Variants in RPL3L observed in about 807,000 individuals in gnomAD.
RPL3L encodes the protein ribosomal protein L3 like.
Under a neutral mutation model 44.5 loss-of-function variants are expected in RPL3L, and 44 were observed. The observed-to-expected ratio is 0.99, with a 90% CI of 0.78 to 1.27. RPL3L has a LOEUF of 1.27. Among genes scored for constraint, RPL3L ranks in the 50% most tolerant of loss-of-function variants. The pLI, the probability that RPL3L is intolerant of heterozygous loss-of-function variation, is 0.00. For synonymous variants in RPL3L, 292 were observed against 230.7 expected (o/e 1.27, Z -2.41); for missense variants, 631 against 569.1 (o/e 1.11, Z -1.11).
intron 7 of RPL3L, 137 bp downstream of exon 7, chr16:1,946,488 C>T: frequency 1.1e-6 from 1 of 871,482 alleles, no homozygotes; most frequent in Non-Finnish European, 1.7e-6. Context: ...AAATCTTGAG[C>T]CCTTGGGGCA....
intron 4 of RPL3L, among the ~76,000 whole-genome samples, chr16:1,949,010 T>C (rs1284686414): frequency 2.6e-5 from 2 of 76,502 alleles, no homozygotes; most frequent in Admixed American, 2.1e-4. Flanking sequence ...CGCGCCTGGC[T>C]TTTTTTTTTT....
chr16:1,947,343 A>AT lies in RPL3L; in HGVS notation c.538dup (p.Ile180AsnfsTer36), dbSNP rs747982213. The AT allele has an allele frequency of 6.2e-7, 1 of 1,604,578 alleles. No individual in the cohort carries two copies. Among genetic ancestry groups the AT allele is most frequent in the Non-Finnish European group, 8.5e-7 (1 of 1,176,454 alleles). ...GCCACCGTTCAGCTGGATCTCCATG[A>AT]TGTGGGCCTTCTTCTGCCGGAAGGG... On this transcript the variant is annotated frameshift_variant, in exon 5 of 10. Coordinates refer to ENST00000268661, the MANE Select transcript of RPL3L (RefSeq NM_005061.3). LOFTEE classifies it high-confidence loss of function.
chr16:1,948,390 AT>A (rs202245309), intron 4 of RPL3L, among the ~76,000 whole-genome samples: 1 of 150,792 alleles, frequency 6.6e-6, no homozygotes, highest in Non-Finnish European at 1.5e-5. Flanking sequence ...TGCCCGGCTA[AT>A]TTTTTTGTAT....
At chr16:1,947,656 T>G (rs907783475) in intron 4 of RPL3L, among the ~76,000 whole-genome samples, 3 of 152,168 alleles carry the variant, frequency 2.0e-5, no homozygotes, top group African/African-American at 7.2e-5. Context: ...TGATGGGCTA[T>G]GGGGGCTGGT....
At chr16:1,947,873 C>A (rs2531334) in intron 4 of RPL3L, among the ~76,000 whole-genome samples, 1 of 151,298 alleles carries the variant, frequency 6.6e-6, no homozygotes, top group Non-Finnish European at 1.5e-5. Context: ...GGGGCGTGGG[C>A]CAGCACCTGG....
At chr16:1,952,766 G>C (rs542781924) in intron 3 of RPL3L, 108 bp downstream of exon 3, 2 of 1,302,116 alleles carry the variant, frequency 1.5e-6, no homozygotes, top group East Asian at 4.7e-5. Flanking sequence ...TTGAGACTTC[G>C]CTTCCTACTC....
At position 1,945,828 on chromosome 16, in the gene RPL3L, T is replaced by C; in HGVS notation, c.1047+7A>G. 1 of 1,613,916 alleles carries C rather than the reference T, an allele frequency of 6.2e-7. No homozygotes were observed. The highest frequency in any genetic ancestry group is 1.6e-4 in the Middle Eastern group (1 of 6,062). On this transcript the variant is annotated splice_region_variant and intron_variant, in intron 8 of 9. Coordinates refer to ENST00000268661, the MANE Select transcript of RPL3L (RefSeq NM_005061.3). ...ACCCACTCCCCAGCCCACCCAGCAC[T>C]GCCAACCTTTCTCAGCGTAATGACC... is the stretch of plus-strand genomic sequence containing the variant.
Position 1,954,649 on chromosome 16 carries a change from G to T in RPL3L, c.-18C>A. The stretch of plus-strand genomic sequence containing the variant: ...CCAACCATGGTGGCCGATCCCTGAA[G>T]GTCAGGAAGGGGCCTCGCCGCTAGC... On this transcript the variant is annotated 5_prime_UTR_variant, in exon 1 of 10. Transcript: ENST00000268661. 1.3e-6 allele frequency: 2 copies of T among 1,549,076 alleles called. No individual in the cohort carries two copies. Among genetic ancestry groups the T allele is most frequent in the Non-Finnish European group, 1.7e-6 (2 of 1,148,148 alleles).
chr16:1,954,587 C>T, intron 1 of RPL3L, 42 bp downstream of exon 1: 1 of 1,466,308 alleles, frequency 6.8e-7, no homozygotes, highest in East Asian at 2.6e-5. Flanking sequence ...CCCCAGAGTT[C>T]CAGCTCCAAC....
At chr16:1,952,806 G>C in intron 3 of RPL3L, 68 bp downstream of exon 3, 5 of 1,574,362 alleles carry the variant, frequency 3.2e-6, no homozygotes, top group South Asian at 2.3e-5. Context: ...GCAAGAGCTA[G>C]AGCCTCAGGC....
In RPL3L at chr16:1,946,619, C is replaced by T; in HGVS notation, c.951+6G>A. ...GGGCCTGGCAGTCGCCCCCTCCCAGCCTCACCAGCGGTGTGATGGACTTGG... is the reference window on the plus strand; with the variant it reads ...GGGCCTGGCAGTCGCCCCCTCCCAGTCTCACCAGCGGTGTGATGGACTTGG... On this transcript the variant is annotated splice_donor_region_variant and intron_variant, in intron 7 of 9. Coordinates refer to ENST00000268661, the MANE Select transcript of RPL3L (RefSeq NM_005061.3). 1 of 1,611,372 alleles carries T rather than the reference C, an allele frequency of 6.2e-7. No individual in the cohort carries two copies. Among genetic ancestry groups the T allele is most frequent in the Non-Finnish European group, 8.5e-7 (1 of 1,178,904 alleles).
intron 4 of RPL3L, among the ~76,000 whole-genome samples, chr16:1,948,645 C>T (rs2083143724): frequency 6.6e-6 from 1 of 152,084 alleles, no homozygotes; most frequent in African/African-American, 2.4e-5. Flanking sequence ...AGCAATCCTC[C>T]CACCTTAGCC....
chr16:1,946,807 TCA>T (rs774847994), intron 6 of RPL3L, 81 bp from the exon 7 acceptor site: 7 of 1,583,704 alleles, frequency 4.4e-6, no homozygotes. Context: ...GCCCACATGC[TCA>T]GACTCAGTGC....
chr16:1,945,659 C>G, intron 8 of RPL3L, 41 bp from the exon 9 acceptor site: 1 of 1,611,878 alleles, frequency 6.2e-7, no homozygotes, highest in Non-Finnish European at 8.5e-7. Flanking sequence ...GTGTGGGGAT[C>G]CCCCACACCC....
chr16:1,947,348 G>C lies in RPL3L; in HGVS notation c.534C>G (p.Ala178=). 6.2e-7 allele frequency: 1 copy of C among 1,601,476 alleles called. No individual in the cohort carries two copies. Among genetic ancestry groups the C allele is most frequent in the Non-Finnish European group, 8.5e-7 (1 of 1,174,878 alleles). ...MKLLPFRQKK[A]HIMEIQLNGG... is the part of the protein sequence containing the mutation. ...CGTTCAGCTGGATCTCCATGATGTG[G>C]GCCTTCTTCTGCCGGAAGGGCAGCA... Residue 178 remains alanine, a synonymous_variant, in exon 5 of 10, where the codon GCC becomes GCG. Coordinates refer to ENST00000268661, the MANE Select transcript of RPL3L (RefSeq NM_005061.3).
Position 1,954,167 on chromosome 16 carries a change from G to A in RPL3L, c.4-19C>T. On this transcript the variant is annotated intron_variant, in intron 1 of 9. Coordinates refer to ENST00000268661, the MANE Select transcript of RPL3L (RefSeq NM_005061.3). ...GGTGGGACTGGGGGGCAGGAAGGAAGGAGGTCAGACCTGGGGTGTCCCTGG... is the reference window on the plus strand; with the variant it reads ...GGTGGGACTGGGGGGCAGGAAGGAAAGAGGTCAGACCTGGGGTGTCCCTGG... The A allele has an allele frequency of 3.9e-6, 6 of 1,551,912 alleles. No homozygotes were observed. Among genetic ancestry groups the A allele is most frequent in the Non-Finnish European group, 5.2e-6 (6 of 1,146,850 alleles).
chr16:1,953,236 T>C (rs1168203174), intron 2 of RPL3L, among the ~76,000 whole-genome samples, 194 bp from the exon 3 acceptor site: 1 of 152,184 alleles, frequency 6.6e-6, no homozygotes. Flanking sequence ...TTTTCTGTTT[T>C]TGAGACAGGG....
In RPL3L at chr16:1,947,715, C is replaced by T. The variant is rs185428926; in HGVS notation, c.502-335G>A. 3.0e-3 allele frequency among the ~76,000 whole-genome samples: 450 copies of T among 152,164 alleles called. 3 individuals carry two copies. Among genetic ancestry groups the T allele is most frequent in the Non-Finnish European group, 5.3e-3 (362 of 68,014 alleles). On this transcript the variant is annotated intron_variant, in intron 4 of 9. Transcript: ENST00000268661. Reference sequence around the variant, plus strand: ...AGAGAGGGCTTCTCTGAGAAGGTGCCGCTGCTAACAAGTAGGAGCCACGAG... The same window carrying T: ...AGAGAGGGCTTCTCTGAGAAGGTGCTGCTGCTAACAAGTAGGAGCCACGAG...
intron 3 of RPL3L, among the ~76,000 whole-genome samples, chr16:1,951,704 C>A (rs2083172753): frequency 6.7e-6 from 1 of 150,264 alleles, no homozygotes; most frequent in African/African-American, 2.4e-5. Flanking sequence ...TTCTAACCCT[C>A]AGCAGAGTTC....
Sources: allele counts gnomAD v4.1 joint callset (sites outside exome capture counted in the v4.1 genomes callset), GRCh38; gene constraint gnomAD v4.1.1; transcripts MANE v1.5; gene names NCBI Gene and HGNC (gene_info 2026-07-23, HGNC 2026-07-21).